Variants in CCDC7 observed in about 807,000 individuals in gnomAD.
CCDC7 encodes the protein coiled-coil domain containing 7.
In CCDC7, 183 loss-of-function variants were observed where a neutral mutation model predicts 196.9. The ratio of observed to expected loss-of-function variants is 0.93; its 90% CI spans 0.82 to 1.05. CCDC7 has a LOEUF of 1.05. CCDC7 is among the 50% of genes least tolerant of loss of function. CCDC7 has a pLI of 0.00. For missense variants in CCDC7, 1,540 were observed against 1,482.2 expected (o/e 1.04, Z -0.64); for synonymous variants, 525 against 484.6 (o/e 1.08, Z -1.10).
At position 32,676,835 on chromosome 10, in the gene CCDC7, A is replaced by G. The variant is rs1201354488; in HGVS notation, c.2123-9135A>G. ...GGCGATTCCTCAGGGATCTAGAACT[A>G]GAAATACCATTTGACCTAGCCATCC... On this transcript the variant is annotated intron_variant, in intron 21 of 41. Transcript: ENST00000639629. 3.9e-5 allele frequency among the ~76,000 whole-genome samples: 6 copies of G among 152,342 alleles called. No homozygotes were observed. The East Asian group carries it at 9.6e-4, about 24-fold the overall frequency.
chr10:32,881,491 G>GTGCA (rs2094789513), downstream of CCDC7, among the ~76,000 whole-genome samples: 1 of 152,050 alleles, frequency 6.6e-6, no homozygotes, highest in Admixed American at 6.6e-5. Flanking sequence ...TGAGATCTTG[G>GTGCA]TGCATGAAGC....
chr10:32,552,045 G>T (rs2053566942), intron 13 of CCDC7, among the ~76,000 whole-genome samples: 1 of 152,142 alleles, frequency 6.6e-6, no homozygotes, highest in Non-Finnish European at 1.5e-5. Flanking sequence ...CATGTCTTAG[G>T]TCTATTAGTA....
intron 39 of CCDC7, 103 bp from the exon 41 acceptor site, chr10:32,851,704 A>G (rs879085097): frequency 1.8e-6 from 2 of 1,128,796 alleles, no homozygotes; most frequent in South Asian, 1.5e-5. Flanking sequence ...TGCTTTATAT[A>G]TTTAGATGCT....
intron 25 of CCDC7, among the ~76,000 whole-genome samples, chr10:32,724,153 G>A (rs1302752553): frequency 6.6e-6 from 1 of 152,048 alleles, no homozygotes; most frequent in Non-Finnish European, 1.5e-5. Flanking sequence ...CACTCCCAGG[G>A]CCCACAAAAT....
At chr10:32,545,315 GT>G (rs949642599) in intron 13 of CCDC7, among the ~76,000 whole-genome samples, 85 of 152,274 alleles carry the variant, frequency 5.6e-4, no homozygotes, top group African/African-American at 1.9e-3. Context: ...CTTTGTAGAT[GT>G]TTAGAGTACT....
chr10:32,670,566 A>C (rs1591396498), intron 21 of CCDC7, among the ~76,000 whole-genome samples: 1 of 107,146 alleles, frequency 9.3e-6, no homozygotes, highest in Admixed American at 1.3e-4. Flanking sequence ...AACAGTCCCC[A>C]GAGTGTGATG....
chr10:32,786,532 G>A (rs1036596327), intron 29 of CCDC7, among the ~76,000 whole-genome samples: 10 of 152,282 alleles, frequency 6.6e-5, no homozygotes, highest in Non-Finnish European at 1.0e-4. Context: ...AGGCCAAGGC[G>A]GGTGGATCAA....
At chr10:32,483,667 T>C (rs1202576031) in intron 8 of CCDC7, among the ~76,000 whole-genome samples, 1 of 152,210 alleles carries the variant, frequency 6.6e-6, no homozygotes, top group Non-Finnish European at 1.5e-5. Flanking sequence ...TGAATTGATT[T>C]TTGTATAAGG....
chr10:32,703,643 A>G (rs1345848762), intron 24 of CCDC7, among the ~76,000 whole-genome samples: 3 of 151,990 alleles, frequency 2.0e-5, no homozygotes, highest in African/African-American at 7.2e-5. Context: ...CCTTCACTTT[A>G]AGGTACACCA....
In CCDC7 at chr10:32,466,489, AT is replaced by A. The variant is rs547459259; in HGVS notation, c.510+3443del. 1.6e-4 allele frequency among the ~76,000 whole-genome samples: 25 copies of A among 152,174 alleles called. No individual in the cohort carries two copies. In the South Asian group the frequency reaches 5.2e-3, roughly 32 times the overall value. On this transcript the variant is annotated intron_variant, in intron 5 of 41. Transcript: ENST00000639629. ...TTCTTTGTGTTCATGAGTTCTCATC[AT>A]TTAGCTCCCACTTATAAGTGAGAAC...
intron 8 of CCDC7, among the ~76,000 whole-genome samples, chr10:32,490,534 C>T (rs1055049860): frequency 4.6e-5 from 7 of 152,270 alleles, no homozygotes; most frequent in East Asian, 3.9e-4. Flanking sequence ...CAGTGGCTCA[C>T]GCCTGTAATC....
chr10:32,828,895 C>T (rs1234702503), intron 32 of CCDC7, among the ~76,000 whole-genome samples: 1 of 152,168 alleles, frequency 6.6e-6, no homozygotes, highest in African/African-American at 2.4e-5. Context: ...ACTTTCTGCT[C>T]ACCTAGAGGT....
At chr10:32,486,360 C>A (rs1589076135) in intron 8 of CCDC7, among the ~76,000 whole-genome samples, 1 of 151,592 alleles carries the variant, frequency 6.6e-6, no homozygotes, top group East Asian at 1.9e-4. Flanking sequence ...GTAGATCTTC[C>A]TCCATCCCTT....
intron 20 of CCDC7, among the ~76,000 whole-genome samples, chr10:32,640,493 T>A (rs1263918236): frequency 2.6e-5 from 4 of 152,288 alleles, no homozygotes; most frequent in African/African-American, 7.2e-5. Flanking sequence ...TAATTGGAGC[T>A]TTTAGCCTAT....
At chr10:32,652,329 A>G (rs2068919327) in intron 20 of CCDC7, among the ~76,000 whole-genome samples, 1 of 151,998 alleles carries the variant, frequency 6.6e-6, no homozygotes, top group Admixed American at 6.6e-5. Context: ...GGTTTTCTAT[A>G]GGGCACATAT....
intron 18 of CCDC7, among the ~76,000 whole-genome samples, chr10:32,608,157 T>C (rs1357299066): frequency 1.3e-5 from 2 of 151,756 alleles, no homozygotes; most frequent in Non-Finnish European, 2.9e-5. Flanking sequence ...TTGTAATGTG[T>C]CTTTTTTCAT....
At chr10:32,695,999 T>A (rs2077666716) in intron 24 of CCDC7, among the ~76,000 whole-genome samples, 1 of 151,928 alleles carries the variant, frequency 6.6e-6, no homozygotes, top group Non-Finnish European at 1.5e-5. Flanking sequence ...TGAAGACTTT[T>A]TTTTTTTTTA....
At chr10:32,799,292 C>T (rs999482053) in intron 29 of CCDC7, among the ~76,000 whole-genome samples, 4 of 152,170 alleles carry the variant, frequency 2.6e-5, no homozygotes, top group Non-Finnish European at 5.9e-5. Context: ...CACTGTGATT[C>T]ACCTATGGGG....
intron 28 of CCDC7, among the ~76,000 whole-genome samples, chr10:32,763,867 TTAGA>T (rs2077844326): frequency 6.6e-6 from 1 of 151,866 alleles, no homozygotes; most frequent in South Asian, 2.1e-4. Context: ...AAAATTTCAG[TTAGA>T]TAGGAGTATT....
Sources: gnomAD v4.1 joint callset for allele counts (sites outside exome capture counted in the v4.1 genomes callset) on GRCh38, gnomAD v4.1.1 for gene constraint, MANE v1.5 for transcripts, NCBI Gene and HGNC (gene_info 2026-07-23, HGNC 2026-07-21) for gene names.